Variants in RPL7A observed in about 807,000 individuals in gnomAD.
RPL7A encodes ribosomal protein L7a.
For missense variants in RPL7A, 291 were observed against 338.2 expected, an observed-to-expected ratio of 0.86 and a Z score of 1.09; for synonymous variants, 158 against 128.2, an observed-to-expected ratio of 1.23 and a Z score of -1.57.
chr9:133,350,800 C>T (rs1836376970), intron 6 of RPL7A, 73 bp downstream of exon 6: 22 of 1,597,110 alleles, frequency 1.4e-5, no homozygotes, highest in Non-Finnish European at 1.8e-5. Context: ...TTCCTTTTGC[C>T]TTAAAGGCCA....
chr9:133,349,176 G>A (rs1836308079), intron 2 of RPL7A, 134 bp downstream of exon 2: 6 of 1,066,888 alleles, frequency 5.6e-6, no homozygotes, highest in African/African-American at 1.6e-5. Context: ...TCTTAGAGAC[G>A]GGGGCAATGA....
At chr9:133,349,469 C>T (rs201387355) in intron 2 of RPL7A, 82 bp from the exon 3 acceptor site, 3 of 1,548,134 alleles carry the variant, frequency 1.9e-6, no homozygotes, top group African/African-American at 2.7e-5. Flanking sequence ...ATCGCTGATG[C>T]ACCAACACCC....
rs2129999670 is a variant in RPL7A, at chr9:133,351,359, T to G, written c.794T>G (p.Leu265Arg). ...AAGGCTAAAGAACTTGCCACTAAAC[T>G]GGGTTAAATGTACACTGTTGAGTTT... ...KAKAKELATKLG is the reference protein window; with the variant it reads ...KAKAKELATKRG Residue 265 changes from leucine to arginine, a missense_variant, in exon 8 of 8, where the codon CTG becomes CGG. By Grantham distance (102) the Leu-to-Arg change is moderately radical. Coordinates refer to ENST00000323345, the MANE Select transcript of RPL7A (RefSeq NM_000972.3). 2.5e-6 allele frequency: 4 copies of G among 1,600,520 alleles called. No homozygotes were observed. In the Admixed American group the frequency reaches 6.7e-5, roughly 27 times the overall value.
chr9:133,348,910 C>T lies in RPL7A; in HGVS notation c.4-12C>T, dbSNP rs2129982019. 2.5e-6 allele frequency: 4 copies of T among 1,613,586 alleles called. No homozygotes were observed. Among genetic ancestry groups the T allele is most frequent in the African/African-American group, 2.7e-5 (2 of 74,900 alleles). ...GAGGCGGCGGTTTAACTGACGTTTT[C>T]TTTCTGCCCAGCCGAAAGGAAAGAA... On this transcript the variant is annotated splice_polypyrimidine_tract_variant and intron_variant, in intron 1 of 7. Transcript: ENST00000323345.
chr9:133,350,171 C>G (rs2129991865), intron 4 of RPL7A, 69 bp from the exon 5 acceptor site: 2 of 1,611,166 alleles, frequency 1.2e-6, no homozygotes, highest in South Asian at 2.2e-5. Flanking sequence ...GAGTCAGCAG[C>G]TGAGCCCAGC....
chr9:133,350,206 C>G, intron 4 of RPL7A, 34 bp from the exon 5 acceptor site: 2 of 1,612,480 alleles, frequency 1.2e-6, no homozygotes, highest in Middle Eastern at 1.7e-4. Flanking sequence ...AGAGCAGGCC[C>G]TGTGAGTGCT....
At chr9:133,348,803 G>T (rs2129981057) in intron 1 of RPL7A, 119 bp from the exon 2 acceptor site, 3 of 1,508,268 alleles carry the variant, frequency 2.0e-6, no homozygotes, top group Non-Finnish European at 2.8e-6. Context: ...AAAGCTGCTC[G>T]CCAGCTTAGT....
rs148963580 is a variant in RPL7A at position 133,351,002 on chromosome 9, G to A, written c.627G>A (p.Ser209=). 3.1e-6 allele frequency: 5 copies of A among 1,613,950 alleles called. No individual in the cohort carries two copies. The highest frequency in any genetic ancestry group is 4.2e-6 in the Non-Finnish European group (5 of 1,179,976). Residue 209 remains serine (S), a splice_region_variant and synonymous_variant, in exon 7 of 8, where the codon TCG becomes TCA. Transcript: ENST00000323345. The part of the protein sequence containing the change: ...CTTVAFTQVN[S]EDKGALAKLV... ...TTTTGTTTCCCCTCCTGCCTTTTAGGGAAGACAAAGGCGCTTTGGCTAAGC... is the reference window on the plus strand; with the variant it reads ...TTTTGTTTCCCCTCCTGCCTTTTAGAGAAGACAAAGGCGCTTTGGCTAAGC...
chr9:133,348,715 T>C, intron 1 of RPL7A: 1 of 798,152 alleles, frequency 1.3e-6, no homozygotes, highest in Non-Finnish European at 2.2e-6. Flanking sequence ...CTCTGGCCAC[T>C]CGGGGTTCCC....
intron 1 of RPL7A, chr9:133,348,543 C>T (rs2129979260): frequency 0.019 from 11,215 of 597,710 alleles, 875 homozygotes; most frequent in African/African-American, 0.17. Context: ...TAGCGTCTCT[C>T]GGGCTTGCTG....
chr9:133,349,643 C>A lies in RPL7A; in HGVS notation c.217C>A (p.Arg73=), dbSNP rs1287490040. 1 of 1,613,926 alleles carries A rather than the reference C, an allele frequency of 6.2e-7. No homozygotes were observed. The highest frequency in any genetic ancestry group is 8.5e-7 in the Non-Finnish European group (1 of 1,180,018). The part of the protein sequence containing the change: ...LQRQRAILYK[R]LKVPPAINQF... ...GCGGCAGAGAGCCATCCTCTATAAG[C>A]GGCTGAAAGTGCCTCCTGCGATTAA... The change falls in exon 3 of 8, where the codon CGG becomes AGG. Residue 73 remains arginine (R), a synonymous_variant. Transcript: ENST00000323345.
At chr9:133,348,267 T>G in intron 1 of RPL7A, 21 bp downstream of exon 1, 1 of 1,614,076 alleles carries the variant, frequency 6.2e-7, no homozygotes, top group South Asian at 1.1e-5. Flanking sequence ...TGTAGTTCCG[T>G]GGCACTATAG....
chr9:133,351,392 A>G lies in RPL7A; in HGVS notation c.*26A>G, dbSNP rs2130000014. 1.8e-5 allele frequency: 27 copies of G among 1,477,550 alleles called. No homozygotes were observed. In the East Asian group the frequency reaches 3.2e-4, roughly 17 times the overall value. The allele number at this position is 1,477,550 out of a possible 1,614,324, so 91.5% of individuals were successfully genotyped here. ...ATGTACACTGTTGAGTTTTCTGTAC[A>G]TAAAAATAATTGAAATAATACAAAT... On this transcript the variant is annotated 3_prime_UTR_variant, in exon 8 of 8. Transcript: ENST00000323345.
chr9:133,349,097 G>A, intron 2 of RPL7A, 55 bp downstream of exon 2: 2 of 1,601,034 alleles, frequency 1.2e-6, no homozygotes, highest in East Asian at 2.2e-5. Flanking sequence ...AGGGAAGGTG[G>A]TAATTGGGTT....
intron 7 of RPL7A, 75 bp from the exon 8 acceptor site, chr9:133,351,186 GA>G: frequency 1.3e-6 from 2 of 1,549,214 alleles, no homozygotes; most frequent in Non-Finnish European, 1.8e-6. Context: ...CAGCCAAACA[GA>G]ATTAACGCAA....
chr9:133,348,597 C>T (rs1836282532), intron 1 of RPL7A: 2 of 603,670 alleles, frequency 3.3e-6, no homozygotes, highest in Non-Finnish European at 6.0e-6. Flanking sequence ...TCTGAGCCCG[C>T]CCCTGTTGCT....
At position 133,349,397 on chromosome 9, in the gene RPL7A, G is replaced by A. The variant is rs1370667879; in HGVS notation, c.125-154G>A. 3 of 1,005,954 alleles carry A rather than the reference G, an allele frequency of 3.0e-6. No individual in the cohort carries two copies. In the African/African-American group the frequency reaches 4.7e-5, roughly 16 times the overall value. The allele number at this position is 1,005,954 out of a possible 1,614,324, so 62.3% of individuals were successfully genotyped here. A position where few individuals can be genotyped will look rare whatever the true frequency, so the allele number is the denominator to read the frequency against. On this transcript the variant is annotated intron_variant, in intron 2 of 7. Coordinates refer to ENST00000323345, the MANE Select transcript of RPL7A (RefSeq NM_000972.3). ...GCTCTTTGTTCTCAGGTGTTTGTGTGCAGATGATGTAAAAGAATATTTGCT... is the reference window on the plus strand; with the variant it reads ...GCTCTTTGTTCTCAGGTGTTTGTGTACAGATGATGTAAAAGAATATTTGCT...
intron 1 of RPL7A, chr9:133,348,681 A>T: frequency 1.4e-6 from 1 of 709,116 alleles, no homozygotes; most frequent in Non-Finnish European, 2.6e-6. Context: ...ACGCGAAGAG[A>T]GCGTGGTCTC....
intron 1 of RPL7A, chr9:133,348,720 G>T (rs2129980340): frequency 1.2e-6 from 1 of 823,184 alleles, no homozygotes; most frequent in Admixed American, 2.0e-5. Context: ...GCCACTCGGG[G>T]TTCCCGGGGC....
Sources: allele counts gnomAD v4.1 joint callset, GRCh38; gene constraint gnomAD v4.1.1; transcripts MANE v1.5; gene names NCBI Gene and HGNC (gene_info 2026-07-23, HGNC 2026-07-21).